The following LRP1B variants were observed in gnomAD, a reference collection of about 807,000 sequenced individuals.
LRP1B encodes the protein LDL receptor related protein 1B.
In LRP1B, 217 loss-of-function variants were observed where a neutral mutation model predicts 556.6. The ratio of observed to expected loss-of-function variants is 0.39; its 90% CI spans 0.35 to 0.44. The LOEUF (loss-of-function observed/expected upper bound fraction) is 0.44, where lower values mean the gene tolerates loss of function less well. Among genes scored for constraint, LRP1B ranks in the 20% least tolerant of loss-of-function variants. LRP1B has a pLI of 1.00. For missense variants in LRP1B, 5,053 were observed against 5,620.8 expected, an observed-to-expected ratio of 0.90 and a Z score of 3.23; for synonymous variants, 2,047 against 1,865.8, an observed-to-expected ratio of 1.10 and a Z score of -2.50.
At chr2:140,308,294 G>GT (rs1279497349) in intron 83 of LRP1B, among the ~76,000 whole-genome samples, 3 of 151,634 alleles carry the variant, frequency 2.0e-5, no homozygotes, top group Non-Finnish European at 3.0e-5. Flanking sequence ...GTCAAAGTAT[G>GT]TAAAAAACCC....
chr2:140,441,942 T>A (rs1686445893), intron 66 of LRP1B, among the ~76,000 whole-genome samples: 1 of 152,358 alleles, frequency 6.6e-6, no homozygotes, highest in South Asian at 2.1e-4. Flanking sequence ...ATTTCTGCGA[T>A]AACAATTAAG....
At chr2:141,785,118 G>A (rs945739016) in intron 2 of LRP1B, among the ~76,000 whole-genome samples, 2 of 151,860 alleles carry the variant, frequency 1.3e-5, no homozygotes, top group African/African-American at 4.8e-5. Context: ...AGAGACACAT[G>A]ACTAGTCTGC....
chr2:141,773,994 G>A (rs1270845521), intron 2 of LRP1B, among the ~76,000 whole-genome samples: 1 of 152,170 alleles, frequency 6.6e-6, no homozygotes, highest in East Asian at 1.9e-4. Flanking sequence ...CAGAAACACA[G>A]GAGTTAAAAC....
chr2:140,381,217 T>G (rs1249791735), intron 67 of LRP1B, among the ~76,000 whole-genome samples: 1 of 152,162 alleles, frequency 6.6e-6, no homozygotes, highest in East Asian at 1.9e-4. Flanking sequence ...ATCTTAACTT[T>G]GATCTTATTT....
intron 7 of LRP1B, among the ~76,000 whole-genome samples, chr2:141,174,921 T>TA: frequency 6.6e-6 from 1 of 152,046 alleles, no homozygotes; most frequent in Non-Finnish European, 1.5e-5. Context: ...GAGGTGGTTT[T>TA]AGATTGAGAT....
At chr2:140,955,063 C>G (rs1223622426) in intron 18 of LRP1B, among the ~76,000 whole-genome samples, 2 of 151,938 alleles carry the variant, frequency 1.3e-5, no homozygotes, top group East Asian at 3.8e-4. Context: ...AATCTTATCT[C>G]TTGGGTCCTA....
At chr2:141,819,369 G>C (rs1696679751) in intron 1 of LRP1B, among the ~76,000 whole-genome samples, 1 of 152,092 alleles carries the variant, frequency 6.6e-6, no homozygotes, top group South Asian at 2.1e-4. Context: ...TGTATGAATT[G>C]TACCTACTGT....
intron 23 of LRP1B, among the ~76,000 whole-genome samples, chr2:140,894,777 C>T (rs145872407): frequency 4.6e-5 from 7 of 151,984 alleles, no homozygotes; most frequent in South Asian, 2.1e-4. Flanking sequence ...GGTGAAACCC[C>T]GTCTCTACAA....
intron 17 of LRP1B, 40 bp from the exon 18 acceptor site, chr2:140,982,316 G>A (rs1174336532): frequency 1.5e-6 from 2 of 1,315,686 alleles, no homozygotes; most frequent in Non-Finnish European, 2.2e-6. Flanking sequence ...CAATTTAGAG[G>A]CATTTTGAAC....
chr2:140,951,207 A>G (rs990260513), intron 19 of LRP1B, among the ~76,000 whole-genome samples: 2 of 151,798 alleles, frequency 1.3e-5, no homozygotes, highest in Non-Finnish European at 1.5e-5. Flanking sequence ...ATGAGAACCC[A>G]CTCTTTACCC....
chr2:141,158,267 G>T (rs188641252), intron 7 of LRP1B, among the ~76,000 whole-genome samples: 1 of 152,108 alleles, frequency 6.6e-6, no homozygotes, highest in East Asian at 1.9e-4. Context: ...AAATAATTAT[G>T]GAATTTCAGT....
At chr2:140,700,104 G>A (rs1261532745) in intron 41 of LRP1B, 146 bp downstream of exon 41, 1 of 657,612 alleles carries the variant, frequency 1.5e-6, no homozygotes, top group Non-Finnish European at 2.4e-6. Flanking sequence ...GGGGTGGGGG[G>A]TGAGGGTTAG....
intron 1 of LRP1B, among the ~76,000 whole-genome samples, chr2:142,079,383 AACAATCT>A (rs141278393): frequency 0.19 from 29,600 of 152,026 alleles, 3,122 homozygotes; most frequent in Middle Eastern, 0.42. Context: ...ACTAATAAGG[AACAATCT>A]CTTTATCTTG....
chr2:140,298,114 A>G, intron 83 of LRP1B, 145 bp from the exon 84 acceptor site: 1 of 608,324 alleles, frequency 1.6e-6, no homozygotes, highest in South Asian at 3.4e-5. Flanking sequence ...GGCAGTAACA[A>G]GACTTCTTTG....
At chr2:141,622,305 C>T (rs563742336) in intron 2 of LRP1B, among the ~76,000 whole-genome samples, 1 of 152,226 alleles carries the variant, frequency 6.6e-6, no homozygotes, top group Admixed American at 6.5e-5. Flanking sequence ...AATTAAATTG[C>T]TCATCTATGA....
intron 1 of LRP1B, among the ~76,000 whole-genome samples, chr2:141,972,693 C>A (rs1701777737): frequency 2.0e-5 from 3 of 151,370 alleles, no homozygotes; most frequent in African/African-American, 7.3e-5. Flanking sequence ...TATCTCGAAG[C>A]ACGATTGTTT....
chr2:140,524,910 A>G lies in LRP1B; in HGVS notation c.8026+934T>C, dbSNP rs138032380. Among the ~76,000 whole-genome samples, 367 of 151,990 alleles carry G rather than the reference A, an allele frequency of 2.4e-3. 1 individual carries two copies. Among genetic ancestry groups the G allele is most frequent in the African/African-American group, 8.1e-3 (338 of 41,502 alleles). On this transcript the variant is annotated intron_variant, in intron 49 of 90. Coordinates refer to ENST00000389484, the MANE Select transcript of LRP1B (RefSeq NM_018557.3). ...TCAGCATCATGCAGTATACCCAAGT[A>G]ATAAGCCTGCACATGTCCACTCTAA...
At chr2:140,697,634 A>G (rs941474055) in intron 41 of LRP1B, among the ~76,000 whole-genome samples, 15 of 152,166 alleles carry the variant, frequency 9.9e-5, no homozygotes, top group Non-Finnish European at 2.2e-4. Context: ...AATATATGCT[A>G]TATCATGGAT....
intron 11 of LRP1B, among the ~76,000 whole-genome samples, chr2:141,025,974 TATTCCACTAA>T (rs1698206399): frequency 6.6e-6 from 1 of 152,086 alleles, no homozygotes; most frequent in Admixed American, 6.6e-5. Context: ...CATTGTACAA[TATTCCACTAA>T]AATTCTTTGG....
Sources: allele counts gnomAD v4.1 joint callset (sites outside exome capture counted in the v4.1 genomes callset), GRCh38; gene constraint gnomAD v4.1.1; transcripts MANE v1.5; gene names NCBI Gene and HGNC (gene_info 2026-07-23, HGNC 2026-07-21).